Variants in DMBT1 observed in about 807,000 individuals in gnomAD.
The protein encoded by DMBT1 is deleted in malignant brain tumors 1.
Under a neutral mutation model 252.9 loss-of-function variants are expected in DMBT1, and 198 were observed. The observed-to-expected ratio is 0.78, with a 90% CI of 0.70 to 0.88. The LOEUF (loss-of-function observed/expected upper bound fraction) is 0.88, where lower values mean the gene tolerates loss of function less well. Among genes scored for constraint, DMBT1 ranks in the 40% least tolerant of loss-of-function variants. DMBT1 has a pLI of 0.00. For synonymous variants in DMBT1, 990 were observed against 942.7 expected (o/e 1.05, Z -0.92); for missense variants, 2,432 against 2,404.7 (o/e 1.01, Z -0.24).
At chr10:122,623,147 A>G (rs1336391062) in intron 44 of DMBT1, among the ~76,000 whole-genome samples, 1 of 152,028 alleles carries the variant, frequency 6.6e-6, no homozygotes, top group Non-Finnish European at 1.5e-5. Flanking sequence ...GTCACTTTCT[A>G]TGAATGGAAT....
intron 9 of DMBT1, 75 bp from the exon 10 acceptor site, chr10:122,579,503 C>T: frequency 1.9e-6 from 3 of 1,605,668 alleles, no homozygotes; most frequent in Non-Finnish European, 2.5e-6. Context: ...TAGGAAGTAC[C>T]CTGAGTGTGG....
chr10:122,576,411 G>A lies in DMBT1; in HGVS notation c.296G>A (p.Gly99Asp). Residue 99 changes from glycine to aspartate, a missense_variant, in exon 7 of 56, where the codon GGT (glycine) becomes GAT (aspartate). Around this residue, in one of 3 missense-constraint regions of DMBT1, gnomAD observed 1,264 missense variants for 1,082.2 expected, o/e 1.17. Coordinates refer to ENST00000338354, the MANE Select transcript of DMBT1 (RefSeq NM_001377530.1). The stretch of plus-strand genomic sequence containing the variant: ...TGCCTTCCTCTAGGATCTGATTCTG[G>A]TTTGGCCCTGAGGCTGGTGAATGGA... ...ESTVAEGSDS[G>D]LALRLVNGDG... 4 of 1,613,842 alleles carry A rather than the reference G, an allele frequency of 2.5e-6. No homozygotes were observed. In the South Asian group the frequency reaches 3.3e-5, roughly 13 times the overall value.
At chr10:122,570,049 G>A (rs2097646936) in intron 2 of DMBT1, 113 bp from the exon 3 acceptor site, 1 of 977,214 alleles carries the variant, frequency 1.0e-6, no homozygotes, top group Non-Finnish European at 1.7e-6. Flanking sequence ...TAGCAATGGA[G>A]GGTGCCCTTA....
intron 9 of DMBT1, 117 bp downstream of exon 9, chr10:122,578,876 G>T (rs543366676): frequency 8.7e-6 from 9 of 1,032,178 alleles, no homozygotes; most frequent in Non-Finnish European, 1.3e-5. Flanking sequence ...CTAAGCGTGG[G>T]AGGGTGGCAG....
At chr10:122,561,632 C>G (rs904892416) in intron 1 of DMBT1, among the ~76,000 whole-genome samples, 1 of 115,498 alleles carries the variant, frequency 8.7e-6, no homozygotes, top group Non-Finnish European at 1.8e-5. Context: ...TCTCTCCCCT[C>G]TCTCTCCCTC....
chr10:122,576,262 A>G, intron 6 of DMBT1, 137 bp from the exon 7 acceptor site: 2 of 1,284,860 alleles, frequency 1.6e-6, no homozygotes, highest in Non-Finnish European at 2.1e-6. Flanking sequence ...TCTAACCTTA[A>G]GGCCTGTTAA....
In DMBT1 at chr10:122,588,928, T is replaced by C; in HGVS notation, c.1784-16T>C. On this transcript the variant is annotated splice_polypyrimidine_tract_variant and intron_variant, in intron 16 of 55. Transcript: ENST00000338354. ...GCTGATAGGGATTGATGAAGGGTTC[T>C]TGTGTTCTCCTATAGGACCTGAATC... The C allele has an allele frequency of 1.3e-6, 2 of 1,587,446 alleles. 1 individual carries two copies. The highest frequency in any genetic ancestry group is 1.7e-6 in the Non-Finnish European group (2 of 1,165,626).
At chr10:122,633,001 C>T (rs760911639) in intron 51 of DMBT1, 111 bp downstream of exon 51, 1 of 1,554,626 alleles carries the variant, frequency 6.4e-7, no homozygotes, top group Non-Finnish European at 8.7e-7. Flanking sequence ...CCAAAGTGGT[C>T]TCCCTGCAAG....
In DMBT1 at chr10:122,643,502, A is replaced by T; in HGVS notation, c.*104A>T. 1 of 1,431,128 alleles carries T rather than the reference A, an allele frequency of 7.0e-7. No individual in the cohort carries two copies. Among genetic ancestry groups the T allele is most frequent in the Non-Finnish European group, 9.4e-7 (1 of 1,066,166 alleles). The allele number at this position is 1,431,128 out of a possible 1,614,324, so 88.7% of individuals were successfully genotyped here. ...TATTCCAACTCAGATTGAGCCCTAC[A>T]TTGTGCTGCACCTGGTCATACGGAG... On this transcript the variant is annotated 3_prime_UTR_variant, in exon 56 of 56. Coordinates refer to ENST00000338354, the MANE Select transcript of DMBT1 (RefSeq NM_001377530.1).
In DMBT1 at chr10:122,592,689, C is replaced by A; in HGVS notation, c.2500+94C>A. 7.1e-6 allele frequency: 11 copies of A among 1,547,132 alleles called. 2 individuals are homozygous for A. Among genetic ancestry groups the A allele is most frequent in the Non-Finnish European group, 9.6e-6 (11 of 1,141,188 alleles). On this transcript the variant is annotated intron_variant, in intron 20 of 55. Transcript: ENST00000338354. Reference sequence around the variant, plus strand: ...ATTCTGATCTCCTCACTCAAAGATTCTTCTATGTTTCCTATATTTATGTAG... The same window carrying A: ...ATTCTGATCTCCTCACTCAAAGATTATTCTATGTTTCCTATATTTATGTAG...
intron 2 of DMBT1, 83 bp downstream of exon 2, chr10:122,566,079 A>G (rs978171389): frequency 2.8e-6 from 4 of 1,441,294 alleles, no homozygotes; most frequent in Admixed American, 1.7e-5. Context: ...GGCTGAGCAC[A>G]GCTGAGGTCA....
At chr10:122,620,958 G>A (rs1010794887) in intron 43 of DMBT1, 99 bp from the exon 44 acceptor site, 45 of 1,569,460 alleles carry the variant, frequency 2.9e-5, no homozygotes, top group African/African-American at 1.5e-4. Context: ...ACCTGCACAC[G>A]TGACTTTGGC....
At chr10:122,578,487 C>G (rs1013004973) in intron 8 of DMBT1, among the ~76,000 whole-genome samples, 1 of 152,146 alleles carries the variant, frequency 6.6e-6, no homozygotes, top group Non-Finnish European at 1.5e-5. Flanking sequence ...GGTTTCCTAA[C>G]TGCGAATAGG....
In DMBT1 at chr10:122,579,789, C is replaced by T. The variant is rs769313255; in HGVS notation, c.891C>T (p.Val297=). 10 of 1,607,394 alleles carry T rather than the reference C, an allele frequency of 6.2e-6. No individual in the cohort carries two copies. In the East Asian group the frequency reaches 8.9e-5, roughly 14 times the overall value. The change falls in exon 10 of 56, where the codon GTC becomes GTT. Residue 297 remains valine (V), a synonymous_variant. Coordinates refer to ENST00000338354, the MANE Select transcript of DMBT1 (RefSeq NM_001377530.1). ...AQFGQGSGPI[V]LDDVRCSGHE... is the part of the protein sequence containing the mutation. ...TTGGCCAGGGCTCAGGACCCATTGT[C>T]CTGGATGATGTGCGCTGCTCAGGAC...
chr10:122,569,455 T>C (rs2981785), intron 2 of DMBT1, among the ~76,000 whole-genome samples: 104,576 of 152,140 alleles, frequency 0.69, 36,151 homozygotes, highest in East Asian at 0.77. Flanking sequence ...TTCCTTTGTT[T>C]GCGTAGTGCC....
intron 15 of DMBT1, among the ~76,000 whole-genome samples, chr10:122,585,665 A>G (rs552783359): frequency 6.7e-6 from 1 of 148,616 alleles, no homozygotes; most frequent in South Asian, 2.3e-4. Flanking sequence ...GTGTCCCCAC[A>G]CCTGTCTGGC....
In DMBT1 at chr10:122,573,756, G is replaced by A. The variant is rs1230129900; in HGVS notation, c.277G>A (p.Ala93Thr). The change falls in exon 6 of 56, where the codon GCA (alanine) becomes ACA (threonine). Residue 93 changes from alanine to threonine, a missense_variant. By Grantham distance (58) the Ala-to-Thr change is moderately conservative (BLOSUM62 0). Transcript: ENST00000338354. ...PSESTLESTV[A>T]EGSDSGLALR... ...AGAGTCAACCCTGGAGTCAACTGTA[G>A]CAGAAGGTAACGTCTACTATGGGGG... is the stretch of plus-strand genomic sequence containing the variant. The A allele has an allele frequency of 6.2e-7, 1 of 1,613,838 alleles. No individual in the cohort carries two copies. Among genetic ancestry groups the A allele is most frequent in the Non-Finnish European group, 8.5e-7 (1 of 1,179,788 alleles).
chr10:122,576,830 C>T (rs1278070590), intron 7 of DMBT1, 108 bp downstream of exon 7: 1 of 1,363,818 alleles, frequency 7.3e-7, no homozygotes, highest in Non-Finnish European at 1.0e-6. Context: ...CGTTCAAGAC[C>T]AGCTCTAGGC....
chr10:122,579,614 G>C lies in DMBT1; in HGVS notation c.716G>C (p.Gly239Ala), dbSNP rs997465937. The change falls in exon 10 of 56, where the codon GGA (glycine) becomes GCA (alanine). Residue 239 changes from glycine to alanine, a missense_variant. By Grantham distance (60) the Gly-to-Ala change is moderately conservative (BLOSUM62 0). Coordinates refer to ENST00000338354, the MANE Select transcript of DMBT1 (RefSeq NM_001377530.1). ...AGTTTGGCCCTGAGGCTGGTGAATG[G>C]AGGCGACAGGTGTCGAGGCCGAGTG... ...ESSLALRLVN[G>A]GDRCRGRVEV... 6.2e-7 allele frequency: 1 copy of C among 1,613,418 alleles called. No homozygotes were observed. The highest frequency in any genetic ancestry group is 1.3e-5 in the African/African-American group (1 of 74,908).
Sources: allele counts gnomAD v4.1 joint callset (sites outside exome capture counted in the v4.1 genomes callset), GRCh38; gene constraint gnomAD v4.1.1; regional missense constraint gnomAD v4.1.1; transcripts MANE v1.5; gene names NCBI Gene and HGNC (gene_info 2026-07-23, HGNC 2026-07-21).